INSC: variants seen among roughly 807,000 people sequenced by gnomAD.
INSC encodes the protein protein inscuteable homolog.
A neutral mutation model predicts 58.6 loss-of-function variants in INSC; 67 were observed. The observed-to-expected ratio is 1.14, with a 90% CI of 0.94 to 1.40. The LOEUF (loss-of-function observed/expected upper bound fraction) is 1.40. INSC is among the 40% of genes most tolerant of loss of function. The pLI, the probability that INSC is intolerant of heterozygous loss-of-function variation, is 0.00. For missense variants in INSC, 714 were observed against 692.0 expected (o/e 1.03, Z -0.36); for synonymous variants, 262 against 276.1 (o/e 0.95, Z 0.51).
upstream of INSC, among the ~76,000 whole-genome samples, chr11:15,113,149 C>CTTTCTTCCTT (rs757233948): frequency 1.5e-5 from 2 of 131,250 alleles, no homozygotes; most frequent in South Asian, 2.6e-4. Flanking sequence ...TTCTTTCTGT[C>CTTTCTTCCTT]TCTCTCTCTC....
intron 10 of INSC, among the ~76,000 whole-genome samples, chr11:15,236,187 T>C (rs1480230067): frequency 2.0e-5 from 3 of 151,968 alleles, no homozygotes; most frequent in Non-Finnish European, 4.4e-5. Context: ...GCCTAAATTC[T>C]AGTGGAAGAC....
intron 7 of INSC, among the ~76,000 whole-genome samples, chr11:15,201,564 C>T (rs118023460): frequency 0.012 from 1,876 of 152,278 alleles, 11 homozygotes; most frequent in Non-Finnish European, 0.018. Flanking sequence ...AACTAATTCC[C>T]GCCACCCTGA....
chr11:15,180,345 G>T (rs575835882), intron 5 of INSC, among the ~76,000 whole-genome samples: 10 of 152,230 alleles, frequency 6.6e-5, no homozygotes, highest in African/African-American at 2.4e-4. Context: ...AGCCAGCTGG[G>T]TTTGGAATTA....
At chr11:15,123,320 A>C (rs1313151029) in intron 1 of INSC, among the ~76,000 whole-genome samples, 1 of 152,210 alleles carries the variant, frequency 6.6e-6, no homozygotes, top group Non-Finnish European at 1.5e-5. Flanking sequence ...TATGATGATG[A>C]GCTCTGTGAG....
chr11:15,164,588 A>G (rs930972448), intron 2 of INSC, among the ~76,000 whole-genome samples: 4 of 152,184 alleles, frequency 2.6e-5, no homozygotes, highest in African/African-American at 9.7e-5. Context: ...ATCTCCTTCT[A>G]GTTTCAGCCA....
At chr11:15,205,201 C>T (rs555300524) in intron 7 of INSC, among the ~76,000 whole-genome samples, 1 of 152,168 alleles carries the variant, frequency 6.6e-6, no homozygotes, top group Non-Finnish European at 1.5e-5. Flanking sequence ...CATAGCTAGA[C>T]CCTGTTTCTT....
intron 1 of INSC, among the ~76,000 whole-genome samples, chr11:15,125,280 G>A (rs1361504983): frequency 1.3e-5 from 2 of 152,198 alleles, no homozygotes; most frequent in Non-Finnish European, 1.5e-5. Flanking sequence ...GGAGTTAAGT[G>A]AGGGATGGGG....
At chr11:15,192,435 TA>T (rs1238811152) in intron 6 of INSC, among the ~76,000 whole-genome samples, 1 of 152,228 alleles carries the variant, frequency 6.6e-6, no homozygotes, top group Non-Finnish European at 1.5e-5. Context: ...CTGTGGTGTC[TA>T]AAAAGAGTAG....
chr11:15,138,097 G>A (rs1398468122), intron 1 of INSC, among the ~76,000 whole-genome samples: 3 of 152,168 alleles, frequency 2.0e-5, no homozygotes, highest in Non-Finnish European at 4.4e-5. Flanking sequence ...TAGGGGAACA[G>A]CAGGTTGGTG....
the INSC span, among the ~76,000 whole-genome samples, chr11:15,256,020 C>T: frequency 6.2e-4 from 94 of 152,336 alleles, no homozygotes; most frequent in East Asian, 3.9e-4. Flanking sequence ...ATCCCACCAT[C>T]AACTCTTAAA....
At chr11:15,125,251 C>T (rs1847965442) in intron 1 of INSC, among the ~76,000 whole-genome samples, 2 of 152,094 alleles carry the variant, frequency 1.3e-5, no homozygotes, top group Non-Finnish European at 2.9e-5. Context: ...TGAGAAAGAG[C>T]CTGCCGGTCC....
Position 15,200,913 on chromosome 11 carries a change from C to T in INSC, c.783C>T (p.Ile261=), listed in dbSNP as rs1850563895. Residue 261 remains isoleucine (I), a synonymous_variant, in exon 7 of 13, where the codon ATC becomes ATT. Transcript: ENST00000379556. ...AGGCGCTCCGCACGCTGGCCTCCAT[C>T]TGCTGCGTGGAAGAGGGTGTCCACC... is the stretch of plus-strand genomic sequence containing the variant. ...YPQALRTLAS[I]CCVEEGVHQL... is the part of the protein sequence containing the mutation. 2 of 1,612,760 alleles carry T rather than the reference C, an allele frequency of 1.2e-6. No individual in the cohort carries two copies. The highest frequency in any genetic ancestry group is 1.7e-6 in the Non-Finnish European group (2 of 1,179,566).
At chr11:15,228,395 G>A (rs1305753821) in intron 9 of INSC, among the ~76,000 whole-genome samples, 9 of 152,174 alleles carry the variant, frequency 5.9e-5, no homozygotes, top group African/African-American at 2.2e-4. Context: ...AGTTCTCTCT[G>A]CACCTGGAGT....
chr11:15,198,438 A>C (rs1223920388), intron 6 of INSC, among the ~76,000 whole-genome samples: 1 of 152,104 alleles, frequency 6.6e-6, no homozygotes, highest in Non-Finnish European at 1.5e-5. Flanking sequence ...CAGAGGCTTA[A>C]ATATAGTTGT....
intron 7 of INSC, among the ~76,000 whole-genome samples, chr11:15,218,294 T>A (rs1462415119): frequency 1.3e-5 from 2 of 152,192 alleles, no homozygotes; most frequent in East Asian, 3.8e-4. Flanking sequence ...ATATTCAGCA[T>A]TATACCATTT....
upstream of INSC, among the ~76,000 whole-genome samples, chr11:15,112,781 C>T (rs1269972805): frequency 2.6e-5 from 4 of 152,048 alleles, no homozygotes; most frequent in Admixed American, 1.3e-4. Flanking sequence ...TTGCTAACAT[C>T]GATCTGTTTA....
rs1852582833 is a variant in INSC, at chr11:15,246,868, A to G, written c.*828A>G. 6.6e-6 allele frequency: 1 copy of G among 152,156 alleles called. No homozygotes were observed. Among genetic ancestry groups the G allele is most frequent in the African/African-American group, 2.4e-5 (1 of 41,434 alleles). The allele number at this position is 152,156 out of a possible 1,614,324, so 9.4% of individuals were successfully genotyped here. On this transcript the variant is annotated 3_prime_UTR_variant, in exon 13 of 13. Coordinates refer to ENST00000379556, the MANE Select transcript of INSC (RefSeq NM_001042536.3). ...GGTGTGCTGAAGCCAGCTCATGCCCACTCACAAGGGACAACTGTGAGAATT... is the reference window on the plus strand; with the variant it reads ...GGTGTGCTGAAGCCAGCTCATGCCCGCTCACAAGGGACAACTGTGAGAATT...
At chr11:15,257,615 G>A in the INSC span, among the ~76,000 whole-genome samples, 1 of 152,042 alleles carries the variant, frequency 6.6e-6, no homozygotes, top group East Asian at 1.9e-4. Flanking sequence ...TGCAGAAATA[G>A]TTAGTTAAAA....
rs180883413 is a variant in INSC, at chr11:15,176,924, A to G, written c.403-187A>G. On this transcript the variant is annotated intron_variant, in intron 3 of 12. Transcript: ENST00000379556. ...AATAACTGCTCAGTTTCATTTTCTT[A>G]TACTCCCAAAGCAGCCTACCGTGAG... is the stretch of plus-strand genomic sequence containing the variant. Among the ~76,000 whole-genome samples, 774 of 152,176 alleles carry G rather than the reference A, an allele frequency of 5.1e-3. 3 individuals are homozygous for G. The highest frequency in any genetic ancestry group is 6.3e-3 in the Non-Finnish European group (426 of 68,004).
Sources: gnomAD v4.1 joint callset for allele counts (sites outside exome capture counted in the v4.1 genomes callset) on GRCh38, gnomAD v4.1.1 for gene constraint, MANE v1.5 for transcripts, NCBI Gene and HGNC (gene_info 2026-07-23, HGNC 2026-07-21) for gene names.